Variants in GHR observed in about 807,000 individuals in gnomAD.
GHR encodes the protein GH receptor.
In GHR, 35 loss-of-function variants were observed where a neutral mutation model predicts 67.1. That is an observed-to-expected ratio of 0.52 (90% confidence interval 0.40 to 0.69). The LOEUF (loss-of-function observed/expected upper bound fraction) is 0.69, where lower values mean the gene tolerates loss of function less well. Ranked by LOEUF, GHR falls within the 30% of genes least tolerant of loss-of-function variation. The pLI is 0.00. For missense variants in GHR, 792 were observed against 764.6 expected (o/e 1.04, Z -0.42); for synonymous variants, 272 against 269.1 (o/e 1.01, Z -0.10).
chr5:42,664,142 C>G (rs1317077789), intron 3 of GHR, among the ~76,000 whole-genome samples: 1 of 152,130 alleles, frequency 6.6e-6, no homozygotes, highest in Non-Finnish European at 1.5e-5. Context: ...TAGGAAGAAT[C>G]AATATTGTGA....
chr5:42,488,343 A>C (rs1352351940), intron 1 of GHR, among the ~76,000 whole-genome samples: 1 of 152,178 alleles, frequency 6.6e-6, no homozygotes, highest in Non-Finnish European at 1.5e-5. Flanking sequence ...TTCAAAGTTA[A>C]CTCGTAAGTA....
At chr5:42,653,865 G>A (rs1250090224) in intron 3 of GHR, among the ~76,000 whole-genome samples, 3 of 152,136 alleles carry the variant, frequency 2.0e-5, no homozygotes, top group Non-Finnish European at 4.4e-5. Context: ...TCCAAATCAA[G>A]TGAATATTTC....
intron 1 of GHR, chr5:42,565,566 T>G: frequency 7.1e-6 from 7 of 985,382 alleles, no homozygotes; most frequent in Non-Finnish European, 8.4e-6. Flanking sequence ...AAGCTGTGCA[T>G]GGGGGTCGTT....
intron 1 of GHR, among the ~76,000 whole-genome samples, chr5:42,494,792 C>T (rs939859320): frequency 4.6e-5 from 7 of 152,122 alleles, no homozygotes; most frequent in Non-Finnish European, 8.8e-5. Context: ...ATTTTTATTT[C>T]TGCTTGTTGC....
intron 1 of GHR, among the ~76,000 whole-genome samples, chr5:42,525,554 A>G (rs1747670590): frequency 6.6e-6 from 1 of 152,210 alleles, no homozygotes; most frequent in Non-Finnish European, 1.5e-5. Flanking sequence ...TAATGCTGAA[A>G]TGAATTAAGA....
At chr5:42,520,448 C>T (rs1158628169) in intron 1 of GHR, among the ~76,000 whole-genome samples, 1 of 152,162 alleles carries the variant, frequency 6.6e-6, no homozygotes, top group South Asian at 2.1e-4. Flanking sequence ...TTTATAGCCA[C>T]ATCCTTCACT....
chr5:42,499,742 A>G (rs564202540), intron 1 of GHR, among the ~76,000 whole-genome samples: 43 of 152,346 alleles, frequency 2.8e-4, no homozygotes, highest in African/African-American at 9.4e-4. Context: ...ACTTAGTTCA[A>G]TTATGGTGCT....
chr5:42,637,808 G>T (rs1156684474), intron 3 of GHR, among the ~76,000 whole-genome samples: 1 of 152,062 alleles, frequency 6.6e-6, no homozygotes, highest in African/African-American at 2.4e-5. Context: ...ATTTTTCTTT[G>T]GGTATCTACC....
At chr5:42,523,710 G>A (rs1010740965) in intron 1 of GHR, among the ~76,000 whole-genome samples, 4 of 152,002 alleles carry the variant, frequency 2.6e-5, no homozygotes, top group Non-Finnish European at 5.9e-5. Context: ...TGACCTCTAC[G>A]TGTCTGATAT....
At chr5:42,512,930 G>T (rs1203210721) in intron 1 of GHR, among the ~76,000 whole-genome samples, 1 of 151,212 alleles carries the variant, frequency 6.6e-6, no homozygotes, top group Non-Finnish European at 1.5e-5. Flanking sequence ...CAACATTTTT[G>T]TATACCCTGA....
chr5:42,545,055 T>G (rs1005994306), intron 1 of GHR, among the ~76,000 whole-genome samples: 1 of 152,170 alleles, frequency 6.6e-6, no homozygotes, highest in Non-Finnish European at 1.5e-5. Context: ...GCCATTCTTA[T>G]GTATCTGTCT....
At chr5:42,667,231 C>T (rs1318307095) in intron 3 of GHR, among the ~76,000 whole-genome samples, 1 of 152,176 alleles carries the variant, frequency 6.6e-6, no homozygotes, top group Non-Finnish European at 1.5e-5. Flanking sequence ...AGATCACCCA[C>T]AAGAGTGGCT....
intron 2 of GHR, among the ~76,000 whole-genome samples, chr5:42,583,896 T>A (rs1485478211): frequency 2.0e-5 from 3 of 149,016 alleles, no homozygotes; most frequent in East Asian, 2.0e-4. Context: ...TATATATATA[T>A]AAATTCTTAC....
chr5:42,538,907 T>C (rs762573252), intron 1 of GHR, among the ~76,000 whole-genome samples: 1 of 152,188 alleles, frequency 6.6e-6, no homozygotes, highest in Non-Finnish European at 1.5e-5. Context: ...TTGAATTGGG[T>C]TAATTCAAAG....
chr5:42,478,781 T>C (rs1745466669), intron 1 of GHR, among the ~76,000 whole-genome samples: 1 of 152,206 alleles, frequency 6.6e-6, no homozygotes, highest in African/African-American at 2.4e-5. Context: ...GAGGAGATTT[T>C]GGGCTGAGAT....
chr5:42,547,829 C>A (rs948492244), intron 1 of GHR, among the ~76,000 whole-genome samples: 3 of 138,894 alleles, frequency 2.2e-5, no homozygotes, highest in Non-Finnish European at 4.6e-5. Context: ...TTTTAGAATT[C>A]ATTTACTCAT....
chr5:42,706,917 G>A (rs554715788), intron 6 of GHR, among the ~76,000 whole-genome samples: 2 of 151,874 alleles, frequency 1.3e-5, no homozygotes, highest in African/African-American at 4.8e-5. Flanking sequence ...TTCTAAATCT[G>A]TGAAAAATTA....
chr5:42,542,152 G>C (rs1031684248), intron 1 of GHR, among the ~76,000 whole-genome samples: 3 of 152,140 alleles, frequency 2.0e-5, no homozygotes, highest in Admixed American at 2.0e-4. Flanking sequence ...AAGTGGTTGG[G>C]AAAATGAAGA....
At chr5:42,571,114 G>T (rs1466860566) in intron 2 of GHR, among the ~76,000 whole-genome samples, 6 of 152,196 alleles carry the variant, frequency 3.9e-5, no homozygotes, top group Non-Finnish European at 8.8e-5. Flanking sequence ...AATGACTCAC[G>T]TTTAATGCAG....
Sources: gnomAD v4.1 joint callset for allele counts (sites outside exome capture counted in the v4.1 genomes callset) on GRCh38, gnomAD v4.1.1 for gene constraint, MANE v1.5 for transcripts, NCBI Gene and HGNC (gene_info 2026-07-23, HGNC 2026-07-21) for gene names.